Variants in GPR161 observed in about 807,000 individuals in gnomAD.
GPR161 encodes G-protein coupled receptor RE2.
Under a neutral mutation model 39.2 loss-of-function variants are expected in GPR161, and 25 were observed. That is an observed-to-expected ratio of 0.64 (90% CI 0.47 to 0.89). GPR161 has a LOEUF of 0.89. Ranked by LOEUF, GPR161 falls within the 40% of genes least tolerant of loss-of-function variation. The pLI is 0.00. For synonymous variants in GPR161, 286 were observed against 276.6 expected (o/e 1.03, Z -0.34); for missense variants, 547 against 677.8 (o/e 0.81, Z 2.14).
chr1:168,103,840 A>G (rs1696337103), intron 2 of GPR161, among the ~76,000 whole-genome samples: 1 of 152,240 alleles, frequency 6.6e-6, no homozygotes, highest in Non-Finnish European at 1.5e-5. Flanking sequence ...AGCCCACAAG[A>G]CTTGTACAAC....
At position 168,133,962 on chromosome 1, in the gene GPR161, G is replaced by A. The variant is rs115816909; in HGVS notation, c.-45+2777C>T. On this transcript the variant is annotated intron_variant, in intron 1 of 5. Transcript: ENST00000682931. ...TTTACAGTGGTTATCTCAAAGGTGG[G>A]GAGAAGGAGTAGAGAAGAGGTGGAG... is the stretch of plus-strand genomic sequence containing the variant. 4,389 of 632,344 alleles carry A rather than the reference G, an allele frequency of 6.9e-3. 170 individuals are homozygous for A. In the African/African-American group the frequency reaches 0.079, roughly 11 times the overall value. 39.2% of individuals were successfully genotyped at this position (632,344 alleles called of 1,614,324 possible). A position where few individuals can be genotyped will look rare whatever the true frequency, so the allele number is the denominator to read the frequency against.
chr1:168,136,958 G>GC (rs1271768251), upstream of GPR161: 3,373 of 399,602 alleles, frequency 8.4e-3, 33 homozygotes, highest in African/African-American at 0.077. Context: ...GCCCCGCCCC[G>GC]CCCCCCCCAC....
At chr1:168,122,114 CTG>C (rs1254856071) in intron 1 of GPR161, among the ~76,000 whole-genome samples, 1 of 152,222 alleles carries the variant, frequency 6.6e-6, no homozygotes, top group East Asian at 1.9e-4. Flanking sequence ...CATTGCAAGA[CTG>C]TGTCCAAAAC....
chr1:168,120,863 G>A (rs531496258), intron 1 of GPR161, among the ~76,000 whole-genome samples: 17 of 152,098 alleles, frequency 1.1e-4, no homozygotes, highest in Admixed American at 2.6e-4. Context: ...GGACTCCCCC[G>A]CATGCAGAAC....
At chr1:168,123,200 C>T (rs1305541210) in intron 1 of GPR161, among the ~76,000 whole-genome samples, 1 of 152,212 alleles carries the variant, frequency 6.6e-6, no homozygotes, top group Non-Finnish European at 1.5e-5. Context: ...AATCCCAACA[C>T]TTTGGGAGGC....
chr1:168,123,515 T>C (rs1046874259), intron 1 of GPR161, among the ~76,000 whole-genome samples: 37 of 144,542 alleles, frequency 2.6e-4, no homozygotes, highest in Non-Finnish European at 4.6e-4. Context: ...TATATAGATA[T>C]AGATATAGAT....
In GPR161 at chr1:168,099,113, G is replaced by A. The variant is rs539711717; in HGVS notation, c.375-1881C>T. ...CCTTTCCCCCTTCCTCCTTGAGGAC[G>A]AAAGCCCTACACTGCTCCTGCTTCT... is the stretch of plus-strand genomic sequence containing the variant. On this transcript the variant is annotated intron_variant, in intron 2 of 5. Coordinates refer to ENST00000682931, the MANE Select transcript of GPR161 (RefSeq NM_001375883.1). 1.6e-4 allele frequency among the ~76,000 whole-genome samples: 25 copies of A among 152,268 alleles called. No homozygotes were observed. In the South Asian group the frequency reaches 2.9e-3, roughly 18 times the overall value.
chr1:168,104,340 G>T (rs1425035082), intron 2 of GPR161, 137 bp downstream of exon 2: 1 of 650,272 alleles, frequency 1.5e-6, no homozygotes, highest in Non-Finnish European at 2.7e-6. Flanking sequence ...GGCTCCAGAG[G>T]CAGAACTCCA....
At chr1:168,136,154 C>A in intron 1 of GPR161, 3 of 1,269,614 alleles carry the variant, frequency 2.4e-6, no homozygotes, top group Non-Finnish European at 3.0e-6. Flanking sequence ...GGGGCAGAGC[C>A]GCCCATCCGG....
chr1:168,087,659 G>A lies in GPR161; in HGVS notation c.1250C>T (p.Pro417Leu), dbSNP rs775689233. ...LLEDYTSDDN[P>L]PSHCTCPPKR... Reference sequence around the variant, plus strand: ...GGGTGGGCAAGTGCAGTGAGAGGGAGGGTTGTCATCAGACGTGTAGTCCTC... The same window carrying A: ...GGGTGGGCAAGTGCAGTGAGAGGGAAGGTTGTCATCAGACGTGTAGTCCTC... The change falls in exon 5 of 6, where the codon CCT becomes CTT. Residue 417 changes from proline to leucine, a missense_variant. By Grantham distance (98) the Pro-to-Leu change is moderately conservative. Transcript: ENST00000682931. The A allele has an allele frequency of 1.2e-6, 2 of 1,613,780 alleles. No individual in the cohort carries two copies. Among genetic ancestry groups the A allele is most frequent in the East Asian group, 2.2e-5 (1 of 44,900 alleles).
At chr1:168,125,624 C>T (rs919911923) in intron 1 of GPR161, among the ~76,000 whole-genome samples, 95 of 142,210 alleles carry the variant, frequency 6.7e-4, no homozygotes, top group African/African-American at 1.2e-3. Context: ...CTTCCCCCCC[C>T]TTTTTTTTTT....
In GPR161 at chr1:168,106,694, A is replaced by C. The variant is rs111823813; in HGVS notation, c.-44-1800T>G. ...AATTTCTGTGAAGACAGATGTCCCT[A>C]ATCTTGAACATGTGGAATTAATGTT... On this transcript the variant is annotated intron_variant, in intron 1 of 5. Transcript: ENST00000682931. Among the ~76,000 whole-genome samples, 446 of 152,346 alleles carry C rather than the reference A, an allele frequency of 2.9e-3. 1 individual carries two copies. Among genetic ancestry groups the C allele is most frequent in the African/African-American group, 0.01 (422 of 41,586 alleles).
At chr1:168,103,929 C>T (rs529510996) in intron 2 of GPR161, among the ~76,000 whole-genome samples, 2 of 152,376 alleles carry the variant, frequency 1.3e-5, no homozygotes, top group South Asian at 4.1e-4. Flanking sequence ...CTGACCTCCC[C>T]GTGCATCAGC....
Position 168,104,692 on chromosome 1 carries a change from G to A in GPR161, c.159C>T (p.Tyr53=), listed in dbSNP as rs768320442. 1.2e-6 allele frequency: 2 copies of A among 1,613,784 alleles called. No individual in the cohort carries two copies. The highest frequency in any genetic ancestry group is 1.1e-5 in the South Asian group (1 of 91,072). Residue 53 remains tyrosine (Y), a synonymous_variant, in exon 2 of 6, where the codon TAC becomes TAT. Coordinates refer to ENST00000682931, the MANE Select transcript of GPR161 (RefSeq NM_001375883.1). The part of the protein sequence containing the change: ...LGNLVIVVTL[Y]KKSYLLTLSN... ...TGAGGGTGAGGAGGTAGGACTTCTTGTACAAGGTGACCACGATGACCAGGT... is the reference window on the plus strand; with the variant it reads ...TGAGGGTGAGGAGGTAGGACTTCTTATACAAGGTGACCACGATGACCAGGT...
chr1:168,133,823 A>C (rs555799787), intron 1 of GPR161: 6 of 458,174 alleles, frequency 1.3e-5, no homozygotes, highest in Non-Finnish European at 1.7e-5. Flanking sequence ...TGAGAAATGT[A>C]GGTAATACTT....
intron 1 of GPR161, among the ~76,000 whole-genome samples, chr1:168,134,363 T>A (rs1473434247): frequency 1.3e-5 from 2 of 152,222 alleles, no homozygotes; most frequent in East Asian, 3.8e-4. Flanking sequence ...AAACTAGTTG[T>A]AAGCCTTTTC....
intron 2 of GPR161, among the ~76,000 whole-genome samples, chr1:168,101,108 C>CT (rs35663930): frequency 3.1e-4 from 45 of 143,298 alleles, no homozygotes; most frequent in East Asian, 8.3e-4. Flanking sequence ...CAGCCAGTTT[C>CT]TTTTTTTTTT....
At position 168,083,517 on chromosome 1, in the gene GPR161, T is replaced by C. The variant is rs1349136488; in HGVS notation, c.*2014A>G. 1 of 152,158 alleles carries C rather than the reference T, an allele frequency of 6.6e-6. No individual in the cohort carries two copies. Among genetic ancestry groups the C allele is most frequent in the Non-Finnish European group, 1.5e-5 (1 of 68,060 alleles). The allele number at this position is 152,158 out of a possible 1,614,324, so 9.4% of individuals were successfully genotyped here. ...TGCCCTGTTCCACCTCTGTGCACAC[T>C]AGTTGATCAGGAATATGGTCCCTTC... On this transcript the variant is annotated 3_prime_UTR_variant, in exon 6 of 6. Transcript: ENST00000682931.
upstream of GPR161, chr1:168,136,939 G>GGCGCCC: frequency 2.6e-5 from 25 of 969,102 alleles, no homozygotes; most frequent in Non-Finnish European, 2.6e-5. Context: ...GTAACTTTGC[G>GGCGCCC]GCGCCCGCGC....
Sources: gnomAD v4.1 joint callset for allele counts (sites outside exome capture counted in the v4.1 genomes callset) on GRCh38, gnomAD v4.1.1 for gene constraint, MANE v1.5 for transcripts, NCBI Gene and HGNC (gene_info 2026-07-23, HGNC 2026-07-21) for gene names.